Variants in SUPT3H observed in about 807,000 individuals in gnomAD.
SUPT3H encodes SPT3 homolog, SAGA and STAGA complex component, also known as transcription initiation protein SPT3 homolog.
A neutral mutation model predicts 44.3 loss-of-function variants in SUPT3H; 44 were observed. The observed-to-expected ratio is 0.99, with a 90% confidence interval of 0.78 to 1.28. SUPT3H has a LOEUF of 1.28. SUPT3H is among the 50% of genes most tolerant of loss of function. SUPT3H has a pLI of 0.00. For synonymous variants in SUPT3H, 124 were observed against 125.6 expected (o/e 0.99, Z 0.09); for missense variants, 380 against 387.1 (o/e 0.98, Z 0.15).
At chr6:45,307,279 C>T (rs1783185486) in intron 2 of SUPT3H, among the ~76,000 whole-genome samples, 1 of 152,188 alleles carries the variant, frequency 6.6e-6, no homozygotes, top group Admixed American at 6.5e-5. Flanking sequence ...AGGGGTTCTC[C>T]CAGCACACAG....
At chr6:45,211,160 A>G (rs1764020082) in intron 2 of SUPT3H, among the ~76,000 whole-genome samples, 1 of 152,206 alleles carries the variant, frequency 6.6e-6, no homozygotes, top group Admixed American at 6.5e-5. Flanking sequence ...GTCTTTGAAA[A>G]TAACAAGTAT....
chr6:44,997,055 T>C (rs1336577874), intron 6 of SUPT3H, among the ~76,000 whole-genome samples: 1 of 151,798 alleles, frequency 6.6e-6, no homozygotes, highest in East Asian at 1.9e-4. Context: ...TCTTATATTA[T>C]TTGGTGGTAT....
At chr6:45,064,164 T>G (rs1346853215) in intron 3 of SUPT3H, among the ~76,000 whole-genome samples, 1 of 119,918 alleles carries the variant, frequency 8.3e-6, no homozygotes, top group Non-Finnish European at 1.7e-5. Flanking sequence ...TCAACATTCT[T>G]AAAGAAAAGA....
intron 2 of SUPT3H, among the ~76,000 whole-genome samples, chr6:45,308,267 G>A (rs909132655): frequency 9.2e-5 from 14 of 152,070 alleles, no homozygotes; most frequent in Non-Finnish European, 1.8e-4. Context: ...GATACTCCTC[G>A]AGAAGAGCAA....
intron 2 of SUPT3H, among the ~76,000 whole-genome samples, chr6:45,139,848 TC>T (rs1475121344): frequency 2.0e-5 from 3 of 152,022 alleles, no homozygotes; most frequent in Non-Finnish European, 4.4e-5. Context: ...GAACGAAGCT[TC>T]CCACTGAAAT....
intron 2 of SUPT3H, among the ~76,000 whole-genome samples, chr6:45,355,175 T>C (rs1200308762): frequency 6.7e-6 from 1 of 149,542 alleles, no homozygotes; most frequent in Non-Finnish European, 1.5e-5. Context: ...TACCACAGAC[T>C]GGTCTTAAAC....
chr6:45,214,033 A>AAAAAAAAAT (rs1428022326), intron 2 of SUPT3H, among the ~76,000 whole-genome samples: 1 of 150,642 alleles, frequency 6.6e-6, no homozygotes, highest in Non-Finnish European at 1.5e-5. Flanking sequence ...AAAAAAAAAA[A>AAAAAAAAAT]AACAAGTCAA....
At chr6:44,978,226 C>A (rs1778609855) in intron 6 of SUPT3H, among the ~76,000 whole-genome samples, 1 of 152,110 alleles carries the variant, frequency 6.6e-6, no homozygotes, top group African/African-American at 2.4e-5. Context: ...ATGACAGCTA[C>A]CATTTCTTAA....
At chr6:45,115,245 C>T (rs920353560) in intron 2 of SUPT3H, among the ~76,000 whole-genome samples, 1 of 151,900 alleles carries the variant, frequency 6.6e-6, no homozygotes, top group Non-Finnish European at 1.5e-5. Context: ...CAACAGTAAG[C>T]GTCAAGATTA....
intron 9 of SUPT3H, among the ~76,000 whole-genome samples, chr6:44,949,940 C>A (rs1258734313): frequency 5.3e-5 from 8 of 152,140 alleles, no homozygotes; most frequent in Non-Finnish European, 8.8e-5. Flanking sequence ...CTGCCATCTA[C>A]CTAAGAAAAA....
At chr6:45,137,144 C>A (rs1251400094) in intron 2 of SUPT3H, among the ~76,000 whole-genome samples, 4 of 151,918 alleles carry the variant, frequency 2.6e-5, no homozygotes, top group Non-Finnish European at 5.9e-5. Context: ...CTAAATCCAG[C>A]AAAACTATTT....
At chr6:45,294,046 C>T (rs1222488060) in intron 2 of SUPT3H, among the ~76,000 whole-genome samples, 2 of 152,104 alleles carry the variant, frequency 1.3e-5, no homozygotes, top group African/African-American at 2.4e-5. Flanking sequence ...AAGAAAACTA[C>T]AGACCAATAA....
chr6:44,836,355 C>T (rs2153413572), intron 10 of SUPT3H, among the ~76,000 whole-genome samples: 1 of 152,122 alleles, frequency 6.6e-6, no homozygotes, highest in East Asian at 1.9e-4. Flanking sequence ...TATACTTGCC[C>T]TATGTTATAA....
At chr6:45,353,842 G>C (rs112723382) in intron 2 of SUPT3H, among the ~76,000 whole-genome samples, 3,861 of 150,876 alleles carry the variant, frequency 0.026, 191 homozygotes, top group African/African-American at 0.088. Context: ...TGCTGGCGGG[G>C]AAAATAGGGA....
intron 10 of SUPT3H, among the ~76,000 whole-genome samples, chr6:44,838,679 CT>C: frequency 6.6e-6 from 1 of 152,280 alleles, no homozygotes; most frequent in Non-Finnish European, 1.5e-5. Context: ...GTCCGAGATA[CT>C]CATAAGCATT....
chr6:44,908,088 A>G (rs1766393164), intron 10 of SUPT3H, among the ~76,000 whole-genome samples: 1 of 152,176 alleles, frequency 6.6e-6, no homozygotes, highest in South Asian at 2.1e-4. Context: ...CCATGTGTCC[A>G]AAGAATTTAA....
At chr6:45,130,730 T>C (rs1291505523) in intron 2 of SUPT3H, among the ~76,000 whole-genome samples, 1 of 145,718 alleles carries the variant, frequency 6.9e-6, no homozygotes, top group East Asian at 2.0e-4. Flanking sequence ...TTTTTTTTTT[T>C]TTTTCAGATG....
At chr6:44,844,670 T>G (rs1348426650) in intron 10 of SUPT3H, among the ~76,000 whole-genome samples, 1 of 152,158 alleles carries the variant, frequency 6.6e-6, no homozygotes, top group East Asian at 1.9e-4. Flanking sequence ...TGCATTTGTA[T>G]GACATATTAC....
intron 2 of SUPT3H, among the ~76,000 whole-genome samples, chr6:45,114,721 TAATA>T (rs1800586194): frequency 6.6e-6 from 1 of 152,308 alleles, no homozygotes; most frequent in South Asian, 2.1e-4. Context: ...TTCAAACTCT[TAATA>T]GATAGCAGCA....
Sources: gnomAD v4.1 joint callset for allele counts (sites outside exome capture counted in the v4.1 genomes callset) on GRCh38, gnomAD v4.1.1 for gene constraint, MANE v1.5 for transcripts, NCBI Gene and HGNC (gene_info 2026-07-23, HGNC 2026-07-21) for gene names.